The following ACADM variants were observed in gnomAD, a reference collection of about 807,000 sequenced individuals.
The protein encoded by ACADM is acyl-CoA dehydrogenase medium chain.
Under a neutral mutation model 58.9 loss-of-function variants are expected in ACADM, and 49 were observed. That is an observed-to-expected ratio of 0.83 (90% CI 0.66 to 1.06). The LOEUF (loss-of-function observed/expected upper bound fraction) is 1.06. ACADM is among the 50% of genes least tolerant of loss of function. The probability of loss-of-function intolerance (pLI) is 0.00; values close to 1 mark genes in which losing one functional copy is unlikely to be tolerated. For synonymous variants in ACADM, 160 were observed against 157.7 expected (o/e 1.01, Z -0.11); for missense variants, 496 against 507.0 (o/e 0.98, Z 0.21).
At chr1:75,735,080 G>C (rs1647219367) in intron 6 of ACADM, among the ~76,000 whole-genome samples, 2 of 152,092 alleles carry the variant, frequency 1.3e-5, no homozygotes. Context: ...AGCACTTTGG[G>C]AGGCGGAGGC....
chr1:75,727,166 A>G (rs766258106), intron 1 of ACADM, among the ~76,000 whole-genome samples: 1 of 152,152 alleles, frequency 6.6e-6, no homozygotes, highest in South Asian at 2.1e-4. Context: ...CATACTCTGT[A>G]TGTTTTTATT....
intron 1 of ACADM, among the ~76,000 whole-genome samples, chr1:75,727,955 T>C (rs1647081827): frequency 6.6e-6 from 1 of 152,148 alleles, no homozygotes; most frequent in Non-Finnish European, 1.5e-5. Flanking sequence ...TCCAGAGGCA[T>C]GCATGGGAGG....
chr1:75,759,531 T>C (rs1648702866), intron 10 of ACADM, among the ~76,000 whole-genome samples: 1 of 152,188 alleles, frequency 6.6e-6, no homozygotes, highest in Admixed American at 6.5e-5. Flanking sequence ...ATTGAAAGTA[T>C]TTGTTTTATG....
intron 10 of ACADM, among the ~76,000 whole-genome samples, chr1:75,757,035 C>T (rs1648545746): frequency 6.6e-6 from 1 of 152,070 alleles, no homozygotes; most frequent in Non-Finnish European, 1.5e-5. Flanking sequence ...GGATCCCTTC[C>T]TTACCTTATA....
chr1:75,750,264 A>C (rs1311191051), intron 9 of ACADM, among the ~76,000 whole-genome samples, 187 bp from the exon 10 acceptor site: 1 of 152,172 alleles, frequency 6.6e-6, no homozygotes, highest in Non-Finnish European at 1.5e-5. Context: ...TATGCCTAAC[A>C]AATGCCTCTT....
chr1:75,756,255 G>T (rs1256243564), intron 10 of ACADM, among the ~76,000 whole-genome samples: 2 of 152,164 alleles, frequency 1.3e-5, no homozygotes, highest in African/African-American at 4.8e-5. Context: ...TATTCAGTTA[G>T]GAAAAGAGGA....
chr1:75,756,626 G>T (rs1330279881), intron 10 of ACADM, among the ~76,000 whole-genome samples: 1 of 152,126 alleles, frequency 6.6e-6, no homozygotes, highest in African/African-American at 2.4e-5. Flanking sequence ...CGTGAAAATG[G>T]CCATATTGCC....
chr1:75,743,894 G>C, intron 7 of ACADM: 2 of 1,441,122 alleles, frequency 1.4e-6, no homozygotes, highest in South Asian at 2.3e-5. Flanking sequence ...ACAACAGGCT[G>C]TTCCTGCAAG....
intron 11 of ACADM, 111 bp downstream of exon 11, chr1:75,761,481 T>A: frequency 1.7e-6 from 2 of 1,172,584 alleles, no homozygotes; most frequent in Non-Finnish European, 2.5e-6. Context: ...AATAAATGAC[T>A]GTCATATATG....
intron 10 of ACADM, among the ~76,000 whole-genome samples, chr1:75,754,088 G>A (rs114697917): frequency 0.039 from 5,949 of 151,150 alleles, 141 homozygotes; most frequent in Middle Eastern, 0.055. Context: ...GAGTGACTGC[G>A]CCTGGCCTAG....
At chr1:75,749,774 G>A (rs2100418688) in intron 9 of ACADM, among the ~76,000 whole-genome samples, 1 of 142,322 alleles carries the variant, frequency 7.0e-6, no homozygotes, top group African/African-American at 2.6e-5. Flanking sequence ...GTGCAGTGGT[G>A]CAATCTCAGC....
At chr1:75,724,966 C>A in intron 1 of ACADM, 149 bp downstream of exon 1, 1 of 630,658 alleles carries the variant, frequency 1.6e-6, no homozygotes, top group Non-Finnish European at 2.4e-6. Context: ...AACCTGCTTT[C>A]ACGCCTCCTA....
rs911344905 is a variant in ACADM, at chr1:75,740,207, G to A, written c.599+97G>A. 1.3e-5 allele frequency: 17 copies of A among 1,294,382 alleles called. No individual in the cohort carries two copies. The Admixed American group carries it at 2.4e-4, about 18-fold the overall frequency. 80.2% of individuals were successfully genotyped at this position (1,294,382 alleles called of 1,614,324 possible). ...ATATTTTTAAACCACTACAGTTAAG[G>A]TATGTTTGTGGAACTGGAAGGCCTA... is the stretch of plus-strand genomic sequence containing the variant. On this transcript the variant is annotated intron_variant, in intron 7 of 11. Coordinates refer to ENST00000370841, the MANE Select transcript of ACADM (RefSeq NM_000016.6).
intron 10 of ACADM, among the ~76,000 whole-genome samples, chr1:75,753,795 C>CTTTATTTTTTTTTTTTTTTTTTTTTT (rs1648335383): frequency 1.2e-5 from 1 of 81,930 alleles, no homozygotes; most frequent in African/African-American, 6.1e-5. Flanking sequence ...CTGATAGCTT[C>CTTTATTTTTTTTTTTTTTTTTTTTTT]TTTTTTTTTT....
chr1:75,745,651 G>A (rs546555632), intron 7 of ACADM, 155 bp from the exon 8 acceptor site: 38 of 686,084 alleles, frequency 5.5e-5, no homozygotes, highest in Non-Finnish European at 8.2e-5. Context: ...TACTAGGTAC[G>A]TGACTAGGCA....
intron 9 of ACADM, 128 bp downstream of exon 9, chr1:75,749,687 A>T: frequency 1.3e-6 from 1 of 768,406 alleles, no homozygotes; most frequent in Non-Finnish European, 2.0e-6. Context: ...TTAAGGATAT[A>T]GGAAAAATAC....
chr1:75,752,533 T>A (rs1257009797), intron 10 of ACADM, among the ~76,000 whole-genome samples: 1 of 152,194 alleles, frequency 6.6e-6, no homozygotes, highest in Non-Finnish European at 1.5e-5. Flanking sequence ...TCTAGATAAT[T>A]TTTTCAGATC....
intron 1 of ACADM, among the ~76,000 whole-genome samples, chr1:75,725,571 CA>C (rs1647039639): frequency 6.6e-6 from 1 of 152,158 alleles, no homozygotes; most frequent in South Asian, 2.1e-4. Context: ...GCAGATTTCT[CA>C]ACCTCCAAGG....
At chr1:75,736,481 A>T (rs1374843437) in intron 6 of ACADM, among the ~76,000 whole-genome samples, 1 of 152,222 alleles carries the variant, frequency 6.6e-6, no homozygotes, top group Non-Finnish European at 1.5e-5. Context: ...AGGTTAGCTA[A>T]ACATTCTCAC....
Sources: gnomAD v4.1 joint callset for allele counts (sites outside exome capture counted in the v4.1 genomes callset) on GRCh38, gnomAD v4.1.1 for gene constraint, MANE v1.5 for transcripts, NCBI Gene and HGNC (gene_info 2026-07-23, HGNC 2026-07-21) for gene names.